BTNL8: variants seen among roughly 807,000 people sequenced by gnomAD.
The protein encoded by BTNL8 is butyrophilin-like protein 8.
Under a neutral mutation model 36.1 loss-of-function variants are expected in BTNL8, and 22 were observed. The ratio of observed to expected loss-of-function variants is 0.61; its 90% CI spans 0.44 to 0.87. The LOEUF is 0.87. BTNL8 is among the 40% of genes least tolerant of loss of function. BTNL8 has a pLI of 0.00. For synonymous variants in BTNL8, 203 were observed against 235.6 expected, an observed-to-expected ratio of 0.86 and a Z score of 1.27; for missense variants, 526 against 616.9, an observed-to-expected ratio of 0.85 and a Z score of 1.56.
At chr5:180,902,267 C>A in intron 1 of BTNL8, 1 of 1,335,806 alleles carries the variant, frequency 7.5e-7, no homozygotes, top group Non-Finnish European at 1.0e-6. Context: ...GGTCTACATT[C>A]AGAAAGAGAC....
intron 3 of BTNL8, among the ~76,000 whole-genome samples, chr5:180,944,340 A>G (rs1759131714): frequency 6.6e-6 from 1 of 152,130 alleles, no homozygotes; most frequent in Non-Finnish European, 1.5e-5. Flanking sequence ...TGTTCTCACC[A>G]CAAAGACACG....
intron 3 of BTNL8, among the ~76,000 whole-genome samples, chr5:180,943,777 A>C (rs555241794): frequency 6.6e-6 from 1 of 152,342 alleles, no homozygotes. Context: ...TGTTGAAGAA[A>C]TCTGCACTCC....
At chr5:180,899,796 A>G (rs1008478158) in intron 1 of BTNL8, among the ~76,000 whole-genome samples, 2 of 152,244 alleles carry the variant, frequency 1.3e-5, no homozygotes, top group African/African-American at 4.8e-5. Context: ...GAAGGTGTAC[A>G]GGTCTTGAGG....
At chr5:180,947,139 T>A (rs138892416) in intron 3 of BTNL8, among the ~76,000 whole-genome samples, 2,444 of 152,340 alleles carry the variant, frequency 0.016, 72 homozygotes, top group African/African-American at 0.055. Flanking sequence ...ATCCCGGAAC[T>A]GTGGTGATTA....
chr5:180,921,359 G>A (rs547950159), intron 3 of BTNL8, among the ~76,000 whole-genome samples: 10 of 152,064 alleles, frequency 6.6e-5, no homozygotes, highest in East Asian at 1.9e-4. Context: ...AGGTAATCCC[G>A]ACACATGGAT....
chr5:180,900,484 G>C (rs1756779297), intron 1 of BTNL8, among the ~76,000 whole-genome samples: 1 of 152,204 alleles, frequency 6.6e-6, no homozygotes, highest in Non-Finnish European at 1.5e-5. Context: ...AGGGAAGGAA[G>C]TGGAAGGAGT....
Position 180,935,904 on chromosome 5 carries a change from T to C in BTNL8, c.674-11608T>C, listed in dbSNP as rs1406148607. ...TGCTAGATCAGGGACAATACAAGAA[T>C]GCCCATTCTTATAACTTTTTTTTTT... On this transcript the variant is annotated intron_variant, in intron 3 of 7. Transcript: ENST00000340184. This position sits in a 1 kb window ranked among gnomAD's most constrained non-coding sequence, Gnocchi z 4.8. Among the ~76,000 whole-genome samples, 1 of 151,998 alleles carries C rather than the reference T, an allele frequency of 6.6e-6. No individual in the cohort carries two copies. The highest frequency in any genetic ancestry group is 2.4e-5 in the African/African-American group (1 of 41,404).
At chr5:180,909,834 G>A (rs1757308233) in intron 2 of BTNL8, 1 of 153,116 alleles carries the variant, frequency 6.5e-6, no homozygotes. Flanking sequence ...AAACCTGTGA[G>A]TGGGGCTGCT....
intron 3 of BTNL8, among the ~76,000 whole-genome samples, chr5:180,920,461 T>C (rs1561935439): frequency 6.6e-6 from 1 of 152,006 alleles, no homozygotes; most frequent in Non-Finnish European, 1.5e-5. Context: ...GAATTAAAGA[T>C]ATAAACAAAA....
intron 3 of BTNL8, among the ~76,000 whole-genome samples, chr5:180,914,856 G>T (rs1478202298): frequency 6.6e-6 from 1 of 152,152 alleles, no homozygotes; most frequent in Non-Finnish European, 1.5e-5. Context: ...CATGGAGGAA[G>T]GTAAGAACTG....
In BTNL8 at chr5:180,950,641, G is replaced by T; in HGVS notation, c.*97G>T. On this transcript the variant is annotated 3_prime_UTR_variant, in exon 8 of 8. Coordinates refer to ENST00000340184, the MANE Select transcript of BTNL8 (RefSeq NM_001040462.3). ...CCGGCCAAGGTGGCTTCCAGATGAA[G>T]GGGGACTGGCCTGTCCACATGGGAG... The T allele has an allele frequency of 3.2e-6, 4 of 1,260,178 alleles. 1 individual carries two copies. Among genetic ancestry groups the T allele is most frequent in the Non-Finnish European group, 3.3e-6 (3 of 909,942 alleles). The allele number at this position is 1,260,178 out of a possible 1,614,324, so 78.1% of individuals were successfully genotyped here.
chr5:180,907,939 A>C (rs1757173889), intron 1 of BTNL8, among the ~76,000 whole-genome samples: 1 of 152,056 alleles, frequency 6.6e-6, no homozygotes, highest in South Asian at 2.1e-4. Context: ...AGACAGGGAC[A>C]TTTAAGTCTG....
intron 5 of BTNL8, 129 bp from the exon 6 acceptor site, chr5:180,948,791 G>A (rs1401709197): frequency 6.3e-6 from 3 of 474,788 alleles, no homozygotes; most frequent in South Asian, 4.2e-5. Flanking sequence ...TTTTTGTTTT[G>A]TGGGAACTCC....
rs1759501267 is a variant in BTNL8, at chr5:180,950,420, G to A, written c.1379G>A (p.Cys460Tyr). The change falls in exon 8 of 8, where the codon TGC (cysteine) becomes TAC (tyrosine). Residue 460 changes from cysteine (C) to tyrosine (Y), a missense_variant. Cys to Tyr is a radical substitution (Grantham distance 194). Transcript: ENST00000340184. The stretch of plus-strand genomic sequence containing the variant: ...CAAAATGGAACTCCCATAGTCATCT[G>A]CCCAGTCACCCAGGAATCAGAGAAA... The part of the protein sequence containing the change: ...NEQNGTPIVI[C>Y]PVTQESEKEA... The A allele has an allele frequency of 4.1e-6, 6 of 1,463,508 alleles. 1 individual carries two copies. Among genetic ancestry groups the A allele is most frequent in the African/African-American group, 1.4e-5 (1 of 72,548 alleles). 90.7% of individuals were successfully genotyped at this position (1,463,508 alleles called of 1,614,324 possible). A position where few individuals can be genotyped will look rare whatever the true frequency, so the allele number is the denominator to read the frequency against.
intron 3 of BTNL8, among the ~76,000 whole-genome samples, chr5:180,936,508 T>C (rs1758658739): frequency 6.6e-6 from 1 of 152,168 alleles, no homozygotes; most frequent in Admixed American, 6.5e-5. Context: ...AGTACTTAGA[T>C]ATAAATTTAA....
chr5:180,941,485 T>C (rs780311204), intron 3 of BTNL8, among the ~76,000 whole-genome samples: 8 of 151,978 alleles, frequency 5.3e-5, no homozygotes, highest in Non-Finnish European at 1.0e-4. Context: ...CAGAAAAGAA[T>C]ACAACAAAAA....
At position 180,935,995 on chromosome 5, in the gene BTNL8, G is replaced by A. The variant is rs961478079; in HGVS notation, c.674-11517G>A. 2.0e-5 allele frequency among the ~76,000 whole-genome samples: 3 copies of A among 151,614 alleles called. No individual in the cohort carries two copies. The highest frequency in any genetic ancestry group is 4.4e-5 in the Non-Finnish European group (3 of 67,968). Reference sequence around the variant, plus strand: ...ATGATCTCAGCTCACTGCAACCTCCGTCTTCTGGGTTCAAGTGATTCTCCT... The same window carrying A: ...ATGATCTCAGCTCACTGCAACCTCCATCTTCTGGGTTCAAGTGATTCTCCT... On this transcript the variant is annotated intron_variant, in intron 3 of 7. Coordinates refer to ENST00000340184, the MANE Select transcript of BTNL8 (RefSeq NM_001040462.3). This position sits in a 1 kb window ranked among gnomAD's most constrained non-coding sequence, Gnocchi z 4.8.
chr5:180,932,447 C>T (rs185993654), intron 3 of BTNL8, among the ~76,000 whole-genome samples: 3,396 of 152,234 alleles, frequency 0.022, 46 homozygotes, highest in Middle Eastern at 0.051. Context: ...CCCGGGTTGA[C>T]GCCATTCTCC....
At chr5:180,930,276 C>T (rs1380428847) in intron 3 of BTNL8, among the ~76,000 whole-genome samples, 3 of 152,146 alleles carry the variant, frequency 2.0e-5, no homozygotes, top group Non-Finnish European at 4.4e-5. Context: ...ATGCTAAAAA[C>T]TCTCAATAAA....
Sources: allele counts gnomAD v4.1 joint callset (sites outside exome capture counted in the v4.1 genomes callset), GRCh38; gene constraint gnomAD v4.1.1; non-coding constraint Gnocchi (gnomAD v3.1); transcripts MANE v1.5; gene names NCBI Gene and HGNC (gene_info 2026-07-23, HGNC 2026-07-21).